DDX10: variants seen among roughly 807,000 people sequenced by gnomAD.
DDX10 encodes DEAD-box helicase 10, also known as probable ATP-dependent RNA helicase DDX10.
In DDX10, 74 loss-of-function variants were observed where a neutral mutation model predicts 104.3. The ratio of observed to expected loss-of-function variants is 0.71; its 90% CI spans 0.59 to 0.86. DDX10 has a LOEUF of 0.86. DDX10 is among the 40% of genes least tolerant of loss of function. The pLI, the probability that DDX10 is intolerant of heterozygous loss-of-function variation, is 0.00. For missense variants in DDX10, 952 were observed against 1,040.0 expected (o/e 0.92, Z 1.16); for synonymous variants, 351 against 353.4 (o/e 0.99, Z 0.08).
intron 13 of DDX10, among the ~76,000 whole-genome samples, chr11:108,762,605 A>G (rs924753480): frequency 1.3e-5 from 2 of 152,178 alleles, no homozygotes; most frequent in South Asian, 2.1e-4. Context: ...TGAAGGTCCT[A>G]TGAGACAGAG....
chr11:108,766,377 A>T (rs1481515218), intron 13 of DDX10, among the ~76,000 whole-genome samples: 4 of 152,182 alleles, frequency 2.6e-5, no homozygotes. Flanking sequence ...AGGATTTTTA[A>T]AATTCTTTAC....
chr11:108,712,736 T>C (rs2094286098), intron 10 of DDX10, among the ~76,000 whole-genome samples: 1 of 152,096 alleles, frequency 6.6e-6, no homozygotes, highest in Admixed American at 6.6e-5. Context: ...AAGAAAAATT[T>C]TATTTTACCA....
chr11:108,673,153 C>T (rs184687759), intron 1 of DDX10, among the ~76,000 whole-genome samples: 62 of 152,216 alleles, frequency 4.1e-4, no homozygotes, highest in African/African-American at 1.4e-3. Flanking sequence ...AAATTTTCTT[C>T]CTAAAATTGA....
intron 13 of DDX10, among the ~76,000 whole-genome samples, chr11:108,802,545 G>C (rs1862036245): frequency 6.6e-6 from 1 of 152,038 alleles, no homozygotes; most frequent in African/African-American, 2.4e-5. Context: ...CCTCAGATAC[G>C]TGCCATTTCT....
intron 16 of DDX10, among the ~76,000 whole-genome samples, chr11:108,889,705 TTATGGTTGC>T (rs1863349309): frequency 6.6e-6 from 1 of 152,206 alleles, no homozygotes; most frequent in Admixed American, 6.5e-5. Flanking sequence ...CTGTGTGCTT[TTATGGTTGC>T]TATGAGACAA....
chr11:108,693,319 T>C (rs1377508099), intron 8 of DDX10, among the ~76,000 whole-genome samples, 197 bp from the exon 9 acceptor site: 1 of 152,204 alleles, frequency 6.6e-6, no homozygotes, highest in Admixed American at 6.5e-5. Context: ...CAGTCATTAA[T>C]TTTAGTTCAT....
intron 16 of DDX10, among the ~76,000 whole-genome samples, chr11:108,900,731 C>G (rs759383086): frequency 5.3e-5 from 8 of 152,172 alleles, no homozygotes; most frequent in Non-Finnish European, 1.2e-4. Context: ...CCCATACAGT[C>G]ATCAGGTTAG....
intron 16 of DDX10, among the ~76,000 whole-genome samples, chr11:108,904,031 C>T (rs1256185491): frequency 6.6e-6 from 1 of 151,804 alleles, no homozygotes; most frequent in Non-Finnish European, 1.5e-5. Context: ...ATTTTAAGGT[C>T]CTTGTTTTAT....
chr11:108,670,574 T>C (rs1158116294), intron 1 of DDX10, among the ~76,000 whole-genome samples: 1 of 152,138 alleles, frequency 6.6e-6, no homozygotes, highest in East Asian at 1.9e-4. Flanking sequence ...ACAGCTGGCA[T>C]TGTCAGTCAA....
chr11:108,720,481 T>C (rs1381097123), intron 12 of DDX10, among the ~76,000 whole-genome samples: 1 of 152,244 alleles, frequency 6.6e-6, no homozygotes, highest in Non-Finnish European at 1.5e-5. Flanking sequence ...CCTGTCTTGG[T>C]GTTTCTTACA....
At position 108,693,523 on chromosome 11, in the gene DDX10, G is replaced by A. The variant is rs1443164866; in HGVS notation, c.1146G>A (p.Pro382=). Residue 382 remains proline (P), a synonymous_variant, in exon 9 of 18, where the codon CCG becomes CCA. Transcript: ENST00000322536. ...CACATCCCTTCTCTGTAGATTTCCC[G>A]GCCGTGAATTGGGTTCTTCAGTTTG... The part of the protein sequence containing the change: ...TDIAARGLDF[P]AVNWVLQFDC... 6.8e-6 allele frequency: 11 copies of A among 1,613,750 alleles called. No homozygotes were observed. Among genetic ancestry groups the A allele is most frequent in the South Asian group, 3.3e-5 (3 of 91,080 alleles).
intron 13 of DDX10, among the ~76,000 whole-genome samples, chr11:108,796,165 T>TTCTC (rs1395051987): frequency 6.6e-6 from 1 of 152,034 alleles, no homozygotes; most frequent in African/African-American, 2.4e-5. Context: ...CTCTCTCTCT[T>TTCTC]TCTCTCTCTC....
intron 15 of DDX10, among the ~76,000 whole-genome samples, chr11:108,849,970 C>T (rs1862769587): frequency 6.6e-6 from 1 of 152,092 alleles, no homozygotes; most frequent in Non-Finnish European, 1.5e-5. Context: ...GATAAATCTA[C>T]TTCCAGTTCT....
At chr11:108,769,878 T>C (rs2094360801) in intron 13 of DDX10, among the ~76,000 whole-genome samples, 1 of 152,208 alleles carries the variant, frequency 6.6e-6, no homozygotes, top group Non-Finnish European at 1.5e-5. Context: ...CTTGTTAATT[T>C]AAAATAATAA....
intron 17 of DDX10, among the ~76,000 whole-genome samples, chr11:108,922,875 C>G (rs901954681): frequency 2.6e-5 from 4 of 152,210 alleles, no homozygotes; most frequent in Non-Finnish European, 5.9e-5. Context: ...AGCTGTGAAA[C>G]AGGGGACCAG....
intron 16 of DDX10, among the ~76,000 whole-genome samples, chr11:108,882,853 G>T (rs1863245738): frequency 6.6e-6 from 1 of 152,062 alleles, no homozygotes; most frequent in African/African-American, 2.4e-5. Context: ...CCAATGATAT[G>T]ACCTTGAGCA....
chr11:108,847,347 A>G (rs1223633770), intron 15 of DDX10, among the ~76,000 whole-genome samples: 1 of 152,260 alleles, frequency 6.6e-6, no homozygotes, highest in Admixed American at 6.5e-5. Flanking sequence ...TAGTTCTGAA[A>G]GATGACTTGT....
chr11:108,778,784 C>T (rs1221169921), intron 13 of DDX10, among the ~76,000 whole-genome samples: 10 of 152,190 alleles, frequency 6.6e-5, no homozygotes, highest in African/African-American at 2.2e-4. Flanking sequence ...AAAGTTTTTA[C>T]AATCTACCCA....
intron 9 of DDX10, among the ~76,000 whole-genome samples, chr11:108,699,617 C>G (rs2094264630): frequency 6.6e-6 from 1 of 152,156 alleles, no homozygotes; most frequent in Non-Finnish European, 1.5e-5. Flanking sequence ...TCTTTCATGA[C>G]CTAGACTTGG....
Sources: allele counts gnomAD v4.1 joint callset (sites outside exome capture counted in the v4.1 genomes callset), GRCh38; gene constraint gnomAD v4.1.1; transcripts MANE v1.5; gene names NCBI Gene and HGNC (gene_info 2026-07-23, HGNC 2026-07-21).